Variants in MXRA5 observed in about 807,000 individuals in gnomAD.
MXRA5 encodes matrix remodeling associated 5.
A neutral mutation model predicts 112.5 loss-of-function variants in MXRA5; 41 were observed. That is an observed-to-expected ratio of 0.36 (90% CI 0.28 to 0.47). MXRA5 has a LOEUF of 0.47. Ranked by LOEUF, MXRA5 falls within the 20% of genes least tolerant of loss-of-function variation. The pLI is 0.99. For missense variants in MXRA5, 2,150 were observed against 2,251.0 expected (o/e 0.96, Z 0.91); for synonymous variants, 862 against 900.8 (o/e 0.96, Z 0.77).
At chrX:3,319,673 A>G (rs764558822) in intron 5 of MXRA5, among the ~76,000 whole-genome samples, 3 of 111,748 alleles carry the variant, frequency 2.7e-5, no homozygotes, top group Admixed American at 1.9e-4. Flanking sequence ...CTAGTAGAGG[A>G]GAGAGGGAGG....
intron 5 of MXRA5, among the ~76,000 whole-genome samples, chrX:3,318,972 C>T (rs748196756): frequency 1.8e-5 from 2 of 111,665 alleles, no homozygotes; most frequent in Non-Finnish European, 3.8e-5. Flanking sequence ...CAGACAAACA[C>T]TGCATGATCT....
Position 3,324,364 on chromosome X carries a change from G to T in MXRA5, c.1321C>A (p.Leu441Met). 8.3e-7 allele frequency: 1 copy of T among 1,211,580 alleles called. No individual in the cohort carries two copies. The highest frequency in any genetic ancestry group is 1.1e-6 in the Non-Finnish European group (1 of 895,523). The change falls in exon 5 of 7, where the codon CTG becomes ATG. Residue 441 changes from leucine (L) to methionine (M), a missense_variant. Coordinates refer to ENST00000217939, the MANE Select transcript of MXRA5 (RefSeq NM_015419.4). ...WVMQPSIDIQ[L>M]NRRQSTAKKV... ...TTGGCCGTACTCTGACGTCGGTTCA[G>T]CTGGATATCTATGGATGGCTGCATG...
At position 3,320,920 on chromosome X, in the gene MXRA5, C is replaced by T. The variant is rs1196141118; in HGVS notation, c.4765G>A (p.Gly1589Ser). 3 of 1,209,976 alleles carry T rather than the reference C, an allele frequency of 2.5e-6. No homozygotes were observed. Among genetic ancestry groups the T allele is most frequent in the African/African-American group, 3.5e-5 (2 of 57,144 alleles). ...QVFGSRSLPRGPDSQRQDGRV... is the reference protein window; with the variant it reads ...QVFGSRSLPRSPDSQRQDGRV... ...CCATCCTGGCGTTGGCTATCTGGGC[C>T]ACGTGGTAGACTCCTACTACCAAAT... Residue 1589 changes from glycine to serine, a missense_variant, in exon 5 of 7, where the codon GGC (glycine) becomes AGC (serine). Physicochemically the swap from Gly to Ser is moderately conservative, Grantham distance 56. This residue lies in a region of MXRA5 where 1,485 missense variants were observed against 1,471.6 expected (regional missense o/e 1.01). Coordinates refer to ENST00000217939, the MANE Select transcript of MXRA5 (RefSeq NM_015419.4).
Position 3,309,906 on chromosome X carries a change from G to A in MXRA5, c.8297C>T (p.Thr2766Met). ...MAMGIPKADI[T>M]WELPDKSHLK... ...ATGCGACTTATCCGGTAACTCCCACGTGATGTCAGCTTTGGGAATCCCCAT... is the reference window on the plus strand; with the variant it reads ...ATGCGACTTATCCGGTAACTCCCACATGATGTCAGCTTTGGGAATCCCCAT... The change falls in exon 7 of 7, where the codon ACG becomes ATG. Residue 2766 changes from threonine (T) to methionine (M), a missense_variant. Physicochemically the swap from Thr to Met is moderately conservative, Grantham distance 81. Transcript: ENST00000217939. 8.3e-7 allele frequency: 1 copy of A among 1,211,652 alleles called. No individual in the cohort carries two copies. The highest frequency in any genetic ancestry group is 1.1e-6 in the Non-Finnish European group (1 of 895,540).
Position 3,322,723 on chromosome X carries a change from G to C in MXRA5, c.2962C>G (p.Pro988Ala), listed in dbSNP as rs761353161. The C allele has an allele frequency of 2.1e-5, 26 of 1,209,494 alleles. No individual in the cohort carries two copies. Among genetic ancestry groups the C allele is most frequent in the Non-Finnish European group, 2.9e-5 (26 of 895,207 alleles). The change falls in exon 5 of 7, where the codon CCA (proline) becomes GCA (alanine). Residue 988 changes from proline (P) to alanine (A), a missense_variant. By Grantham distance (27) the Pro-to-Ala change is conservative (BLOSUM62 -1). Transcript: ENST00000217939. ...TCTTCTTTCATCTTATCCTCATCTG[G>C]TTGTGACTTAGTCTCCAAATCTGGG... ...FDPDLETKSQ[P>A]DEDKMKEDTF... is the part of the protein sequence containing the mutation.
At chrX:3,326,970 A>G (rs1603468073) in intron 4 of MXRA5, among the ~76,000 whole-genome samples, 1 of 111,488 alleles carries the variant, frequency 9.0e-6, no homozygotes, top group Non-Finnish European at 1.9e-5. Flanking sequence ...AGAGTCCTCA[A>G]ACTGACATCT....
intron 6 of MXRA5, among the ~76,000 whole-genome samples, chrX:3,315,972 T>A (rs1192896749): frequency 9.8e-6 from 1 of 101,694 alleles, no homozygotes; most frequent in African/African-American, 3.7e-5. Context: ...TTTTTTTTTA[T>A]GGGGCAAGAG....
chrX:3,330,236 TGGA>T lies in MXRA5; in HGVS notation c.488_490del (p.Leu163del). On this transcript the variant is annotated inframe_deletion, in exon 4 of 7. Transcript: ENST00000217939. Reference sequence around the variant, plus strand: ...GGAGAAGGTGCTGGGGTGCAGCTGGTGGAGGAGATTTCCTTCCAAATGGAGTAG... The same window carrying T: ...GGAGAAGGTGCTGGGGTGCAGCTGGTGGAGATTTCCTTCCAAATGGAGTAG... The T allele has an allele frequency of 8.3e-7, 1 of 1,211,114 alleles. No individual in the cohort carries two copies. Among genetic ancestry groups the T allele is most frequent in the South Asian group, 1.8e-5 (1 of 56,803 alleles).
chrX:3,332,313 C>T (rs7884415), intron 2 of MXRA5, among the ~76,000 whole-genome samples: 1,229 of 110,645 alleles, frequency 0.011, 19 homozygotes, highest in African/African-American at 0.037. Context: ...TGGCCCATCT[C>T]GGCTCACTGT....
intron 2 of MXRA5, among the ~76,000 whole-genome samples, chrX:3,337,661 C>T (rs1175839195): frequency 8.9e-6 from 1 of 111,977 alleles, no homozygotes; most frequent in African/African-American, 3.2e-5. Flanking sequence ...GCAATGTTGG[C>T]CACTTCCTGG....
chrX:3,319,861 G>A lies in MXRA5; in HGVS notation c.5677+147C>T, dbSNP rs1921248038. ...TAAAAATAAAAATAAACACTTATTC[G>A]AGTAAAAAATTTCCCCAAATGTGTT... is the stretch of plus-strand genomic sequence containing the variant. On this transcript the variant is annotated intron_variant, in intron 5 of 6. Transcript: ENST00000217939. 4 of 421,440 alleles carry A rather than the reference G, an allele frequency of 9.5e-6. No individual in the cohort carries two copies. The South Asian group carries it at 2.4e-4, about 25-fold the overall frequency. The allele number at this position is 421,440 out of a possible 1,213,427, so 34.7% of individuals were successfully genotyped here. A position where few individuals can be genotyped will look rare whatever the true frequency, so the allele number is the denominator to read the frequency against.
At chrX:3,340,668 C>A (rs1343088285) in intron 2 of MXRA5, among the ~76,000 whole-genome samples, 4 of 110,245 alleles carry the variant, frequency 3.6e-5, no homozygotes, top group Non-Finnish European at 7.6e-5. Flanking sequence ...TAAAATGAAA[C>A]CATCAGAAAT....
At chrX:3,334,848 C>T (rs769517268) in intron 2 of MXRA5, among the ~76,000 whole-genome samples, 7 of 111,659 alleles carry the variant, frequency 6.3e-5, no homozygotes, top group Admixed American at 9.5e-5. Context: ...TTCTTTGCTA[C>T]GTTATCTTTC....
intron 6 of MXRA5, among the ~76,000 whole-genome samples, chrX:3,311,979 C>G (rs965381089): frequency 5.3e-5 from 6 of 112,229 alleles, no homozygotes; most frequent in Non-Finnish European, 1.1e-4. Flanking sequence ...ATGCTACAGT[C>G]ATGGAGATGG....
chrX:3,345,321 G>A (rs1922081613), intron 1 of MXRA5, among the ~76,000 whole-genome samples: 1 of 112,662 alleles, frequency 8.9e-6, no homozygotes, highest in Admixed American at 9.3e-5. Context: ...TCCGGGCTCC[G>A]CCTCTGGGCG....
intron 2 of MXRA5, among the ~76,000 whole-genome samples, chrX:3,332,185 A>C (rs1921678682): frequency 8.9e-6 from 1 of 112,198 alleles, no homozygotes; most frequent in African/African-American, 3.2e-5. Context: ...CTCTACCCTC[A>C]AAAACCATTC....
At position 3,310,265 on chromosome X, in the gene MXRA5, C is replaced by T. The variant is rs1181571003; in HGVS notation, c.7938G>A (p.Leu2646=). 8.3e-7 allele frequency: 1 copy of T among 1,209,307 alleles called. No homozygotes were observed. The highest frequency in any genetic ancestry group is 1.1e-6 in the Non-Finnish European group (1 of 894,897). Residue 2646 remains leucine (L), a synonymous_variant, in exon 7 of 7, where the codon CTG becomes CTA. Transcript: ENST00000217939. ...GGGTCTCACCATTGATGATGCTGAC[C>T]AGGTTATGATACTGCTTGTTTGCTT... ...KPEANKQYHN[L]VSIINGETLK... is the part of the protein sequence containing the mutation.
chrX:3,338,140 T>A (rs1921822314), intron 2 of MXRA5, among the ~76,000 whole-genome samples: 1 of 111,221 alleles, frequency 9.0e-6, no homozygotes, highest in Admixed American at 9.7e-5. Flanking sequence ...GAGGCAGATC[T>A]TCAGACAGAG....
rs1569184125 is a variant in MXRA5 at position 3,324,103 on chromosome X, G to A, written c.1582C>T (p.Pro528Ser). ...GSILKAPMDD[P>S]DSKFSILSSG... The stretch of plus-strand genomic sequence containing the variant: ...CTGAGAATGGAGAACTTGCTGTCTG[G>A]GTCATCCATGGGCGCTTTCAGGATG... Residue 528 changes from proline (P) to serine (S), a missense_variant, in exon 5 of 7, where the codon CCA becomes TCA. By Grantham distance (74) the Pro-to-Ser change is moderately conservative. Transcript: ENST00000217939. The A allele has an allele frequency of 2.5e-6, 3 of 1,210,134 alleles. No individual in the cohort carries two copies. Among genetic ancestry groups the A allele is most frequent in the Non-Finnish European group, 3.4e-6 (3 of 894,839 alleles).
Sources: gnomAD v4.1 joint callset for allele counts (sites outside exome capture counted in the v4.1 genomes callset) on GRCh38, gnomAD v4.1.1 for gene constraint, gnomAD v4.1.1 regional missense constraint, MANE v1.5 for transcripts, NCBI Gene and HGNC (gene_info 2026-07-23, HGNC 2026-07-21) for gene names.